The following TRPM1 variants were observed in gnomAD, a reference collection of about 807,000 sequenced individuals.
TRPM1 encodes the protein TRPM1-203 APA Isoform, Intron 10.
A neutral mutation model predicts 149.4 loss-of-function variants in TRPM1; 113 were observed. The observed-to-expected ratio is 0.76, with a 90% CI of 0.65 to 0.88. The LOEUF (loss-of-function observed/expected upper bound fraction) is 0.88, where lower values mean the gene tolerates loss of function less well. Among genes scored for constraint, TRPM1 ranks in the 40% least tolerant of loss-of-function variants. The pLI, the probability that TRPM1 is intolerant of heterozygous loss-of-function variation, is 0.00. For missense variants in TRPM1, 1,976 were observed against 2,038.7 expected, an observed-to-expected ratio of 0.97 and a Z score of 0.59; for synonymous variants, 741 against 759.5, an observed-to-expected ratio of 0.98 and a Z score of 0.40.
chr15:31,090,900 T>G (rs2035218126), intron 1 of TRPM1, among the ~76,000 whole-genome samples: 1 of 152,226 alleles, frequency 6.6e-6, no homozygotes. Flanking sequence ...GAGTCTTGAT[T>G]AGCTTGTCTA....
chr15:31,058,252 A>G (rs973300653), intron 11 of TRPM1, among the ~76,000 whole-genome samples: 3 of 152,244 alleles, frequency 2.0e-5, no homozygotes, highest in Non-Finnish European at 4.4e-5. Context: ...AAAGAGAATC[A>G]ATTAGAAATG....
chr15:31,003,071 C>G lies in TRPM1; in HGVS notation c.3630-1G>C, dbSNP rs745341246. On this transcript the variant is annotated splice_acceptor_variant, in intron 27 of 27. Coordinates refer to ENST00000256552, the MANE Select transcript of TRPM1 (RefSeq NM_001252024.2). LOFTEE classifies it high-confidence loss of function. Reference sequence around the variant, plus strand: ...CAACCTCATTGACATATTTTCAACTCTGGTGAATATAAAGGGATAGATTTA... The same window carrying G: ...CAACCTCATTGACATATTTTCAACTGTGGTGAATATAAAGGGATAGATTTA... 2.5e-6 allele frequency: 4 copies of G among 1,601,770 alleles called. No homozygotes were observed. The highest frequency in any genetic ancestry group is 1.7e-5 in the Admixed American group (1 of 57,288).
At chr15:31,142,755 C>T (rs1048232544) in intron 1 of TRPM1, among the ~76,000 whole-genome samples, 2 of 151,924 alleles carry the variant, frequency 1.3e-5, no homozygotes, top group African/African-American at 4.8e-5. Flanking sequence ...CCAGAAGGGC[C>T]CCTGGAAGTT....
At position 31,070,139 on chromosome 15, in the gene TRPM1, C is replaced by T. The variant is rs1489143985; in HGVS notation, c.171G>A (p.Val57=). The T allele has an allele frequency of 6.2e-7, 1 of 1,613,964 alleles. No individual in the cohort carries two copies. Among genetic ancestry groups the T allele is most frequent in the Non-Finnish European group, 8.5e-7 (1 of 1,179,960 alleles). The change falls in exon 4 of 28, where the codon GTG becomes GTA. Residue 57 remains valine (V), a synonymous_variant. Coordinates refer to ENST00000256552, the MANE Select transcript of TRPM1 (RefSeq NM_001252024.2). ...PSKNEEESKQ[V]ETQPEKWSVA... ...CAGACCATTTCTCAGGCTGAGTCTC[C>T]ACCTGTTTGCTTTCCTCTTCATTTT...
At chr15:31,136,161 G>A (rs565082770) in intron 1 of TRPM1, among the ~76,000 whole-genome samples, 2 of 152,112 alleles carry the variant, frequency 1.3e-5, no homozygotes, top group African/African-American at 4.8e-5. Context: ...GTGGGAGGAG[G>A]GGGTGGGAGG....
chr15:31,031,230 T>G (rs948474607), intron 22 of TRPM1, 73 bp from the exon 23 acceptor site: 1 of 1,540,714 alleles, frequency 6.5e-7, no homozygotes, highest in Non-Finnish European at 9.0e-7. Flanking sequence ...ATTATATTGC[T>G]GTCTCCAATT....
intron 27 of TRPM1, among the ~76,000 whole-genome samples, chr15:31,013,007 G>C (rs1456243295): frequency 2.9e-5 from 3 of 103,712 alleles, no homozygotes; most frequent in South Asian, 2.9e-4. Flanking sequence ...TTTTGACACT[G>C]TCTTGCTCTA....
chr15:31,089,523 A>G (rs1596060904), intron 1 of TRPM1, among the ~76,000 whole-genome samples: 2 of 152,198 alleles, frequency 1.3e-5, no homozygotes, highest in Non-Finnish European at 1.5e-5. Context: ...GTGCAATAGC[A>G]CATTCCCGGG....
intron 4 of TRPM1, among the ~76,000 whole-genome samples, chr15:31,068,987 C>T (rs747624854): frequency 2.0e-5 from 3 of 152,126 alleles, no homozygotes; most frequent in Admixed American, 6.5e-5. Context: ...GACCAAGACA[C>T]CCAGTTAAAT....
intron 3 of TRPM1, among the ~76,000 whole-genome samples, chr15:31,072,018 T>TAGAGAGAGAGAGAG (rs61039099): frequency 9.5e-4 from 35 of 36,894 alleles, no homozygotes; most frequent in African/African-American, 3.5e-3. Flanking sequence ...TATATATATA[T>TAGAGAGAGAGAGAG]AGAGAGAGAG....
intron 16 of TRPM1, 45 bp downstream of exon 16, chr15:31,046,159 T>C (rs757469351): frequency 6.3e-7 from 1 of 1,598,876 alleles, no homozygotes; most frequent in Non-Finnish European, 8.6e-7. Context: ...GCTATGTATA[T>C]TTGACCAGGA....
chr15:31,159,456 C>G (rs1290859768), intron 1 of TRPM1, among the ~76,000 whole-genome samples: 1 of 152,206 alleles, frequency 6.6e-6, no homozygotes, highest in Non-Finnish European at 1.5e-5. Flanking sequence ...AGTGGCATGT[C>G]TCTTGTTTCT....
chr15:31,131,974 G>T (rs1028471231), intron 1 of TRPM1, among the ~76,000 whole-genome samples: 2 of 152,170 alleles, frequency 1.3e-5, no homozygotes, highest in Non-Finnish European at 2.9e-5. Context: ...TGGTGCTCTT[G>T]GCTAGGCTTA....
chr15:31,109,470 G>A (rs1185567987), intron 1 of TRPM1, among the ~76,000 whole-genome samples: 7 of 151,874 alleles, frequency 4.6e-5, no homozygotes, highest in African/African-American at 1.7e-4. Flanking sequence ...GCCGAGGCAG[G>A]TGGATCACCT....
chr15:31,136,279 G>A (rs1463806068), intron 1 of TRPM1, among the ~76,000 whole-genome samples: 4 of 152,148 alleles, frequency 2.6e-5, no homozygotes, highest in Admixed American at 2.6e-4. Context: ...GGAGACATTA[G>A]CTCTGTGTTT....
chr15:31,160,907 T>G lies in TRPM1; in HGVS notation c.53A>C (p.Lys18Thr), dbSNP rs755360633. 45 of 1,535,530 alleles carry G rather than the reference T, an allele frequency of 2.9e-5. No homozygotes were observed. The South Asian group carries it at 5.0e-4, about 17-fold the overall frequency. The change falls in exon 1 of 27, where the codon AAG becomes ACG. Residue 18 changes from lysine (K) to threonine (T), a missense_variant and splice_region_variant. By Grantham distance (78) the Lys-to-Thr change is moderately conservative (BLOSUM62 -1). Transcript: ENST00000542188. The stretch of plus-strand genomic sequence containing the variant: ...AGGCCACTGGCAAAGCTCACTCACC[T>G]TCTGCGACCCTGATGTGGAGCTCTT...
intron 1 of TRPM1, among the ~76,000 whole-genome samples, chr15:31,087,537 A>G (rs2035037860): frequency 6.6e-6 from 1 of 152,048 alleles, no homozygotes; most frequent in Admixed American, 6.6e-5. Context: ...TGCAGGAGTG[A>G]GCCACCATGC....
At chr15:31,112,959 G>A (rs116290679) in intron 1 of TRPM1, among the ~76,000 whole-genome samples, 1,968 of 152,218 alleles carry the variant, frequency 0.013, 53 homozygotes, top group African/African-American at 0.045. Flanking sequence ...TCACAACAGA[G>A]GACTTGGGAA....
chr15:31,100,781 C>T (rs950576824), intron 1 of TRPM1, among the ~76,000 whole-genome samples: 1 of 152,132 alleles, frequency 6.6e-6, no homozygotes, highest in Non-Finnish European at 1.5e-5. Context: ...AAAGTGACTG[C>T]GTGATGTTTC....
Sources: allele counts gnomAD v4.1 joint callset (sites outside exome capture counted in the v4.1 genomes callset), GRCh38; gene constraint gnomAD v4.1.1; transcripts MANE v1.5; gene names NCBI Gene and HGNC (gene_info 2026-07-23, HGNC 2026-07-21).